Variants in DLG2 observed in about 807,000 individuals in gnomAD.
DLG2 encodes the protein discs large MAGUK scaffold protein 2.
DLG2 carries 45 observed loss-of-function variants against 132.5 expected under a neutral mutation model. The observed-to-expected ratio is 0.34, with a 90% CI of 0.27 to 0.44. The LOEUF is 0.44. DLG2 is among the 20% of genes least tolerant of loss of function. The pLI is 1.00. For synonymous variants in DLG2, 424 were observed against 419.6 expected, an observed-to-expected ratio of 1.01 and a Z score of -0.13; for missense variants, 1,045 against 1,196.9, an observed-to-expected ratio of 0.87 and a Z score of 1.87.
intron 8 of DLG2, among the ~76,000 whole-genome samples, chr11:84,202,102 C>T (rs1175606390): frequency 6.6e-6 from 1 of 151,886 alleles, no homozygotes; most frequent in Non-Finnish European, 1.5e-5. Flanking sequence ...CAGGCAGGAG[C>T]CACCATGCCC....
chr11:84,760,482 C>A lies in DLG2; in HGVS notation c.358-225751G>T, dbSNP rs192489194. Among the ~76,000 whole-genome samples, 6 of 152,306 alleles carry A rather than the reference C, an allele frequency of 3.9e-5. No homozygotes were observed. The East Asian group carries it at 1.2e-3, about 29-fold the overall frequency. ...CTTAGGGGAGAGAAAGACAACCTAG[C>A]AAACAAGTGTTTCAGACACAATCAA... On this transcript the variant is annotated intron_variant, in intron 6 of 27. Coordinates refer to ENST00000376104, the MANE Select transcript of DLG2 (RefSeq NM_001142699.3).
intron 17 of DLG2, among the ~76,000 whole-genome samples, chr11:83,807,138 G>A (rs1217766088): frequency 1.3e-5 from 2 of 152,150 alleles, no homozygotes; most frequent in African/African-American, 2.4e-5. Context: ...CATACAATAA[G>A]GAGTGAGAAA....
At chr11:83,771,930 G>A (rs2094409474) in intron 18 of DLG2, among the ~76,000 whole-genome samples, 1 of 152,122 alleles carries the variant, frequency 6.6e-6, no homozygotes, top group Non-Finnish European at 1.5e-5. Context: ...AGGGAATGGG[G>A]TGGTTTTAAC....
intron 6 of DLG2, among the ~76,000 whole-genome samples, chr11:84,589,050 G>A (rs1363439799): frequency 3.9e-5 from 6 of 152,090 alleles, no homozygotes; most frequent in African/African-American, 7.2e-5. Flanking sequence ...CCAGGTAAGT[G>A]GTGGGGTCTG....
rs533459205 is a variant in DLG2, at chr11:85,518,487, G to C, written c.40+80170C>G. Among the ~76,000 whole-genome samples, 9 of 152,308 alleles carry C rather than the reference G, an allele frequency of 5.9e-5. No homozygotes were observed. The South Asian group carries it at 1.5e-3, about 25-fold the overall frequency. ...GATGAATGATTTAGGATATCTGGCA[G>C]AAGAAACATCTAAGCAGCAAAGCAT... On this transcript the variant is annotated intron_variant, in intron 3 of 27. Transcript: ENST00000376104.
At chr11:83,853,079 A>T (rs2060024070) in intron 16 of DLG2, among the ~76,000 whole-genome samples, 1 of 152,220 alleles carries the variant, frequency 6.6e-6, no homozygotes, top group Non-Finnish European at 1.5e-5. Flanking sequence ...TCCTCTAAAC[A>T]AATATGTGTA....
intron 8 of DLG2, among the ~76,000 whole-genome samples, chr11:84,236,622 C>A (rs1184804876): frequency 1.3e-5 from 2 of 152,182 alleles, no homozygotes; most frequent in Non-Finnish European, 2.9e-5. Flanking sequence ...AAGTCTGAGC[C>A]TGAGGGCATG....
At chr11:84,874,616 G>A (rs765085091) in intron 6 of DLG2, among the ~76,000 whole-genome samples, 11 of 152,154 alleles carry the variant, frequency 7.2e-5, no homozygotes, top group Non-Finnish European at 1.5e-4. Context: ...TGTGGAAGAT[G>A]GATTGGCATG....
chr11:83,678,818 TA>T (rs2078223912), intron 18 of DLG2, among the ~76,000 whole-genome samples: 1 of 152,166 alleles, frequency 6.6e-6, no homozygotes, highest in African/African-American at 2.4e-5. Flanking sequence ...TTGAATTTGG[TA>T]GATTTACGAA....
intron 3 of DLG2, among the ~76,000 whole-genome samples, chr11:85,341,991 G>C (rs536494480): frequency 7.2e-5 from 11 of 152,306 alleles, no homozygotes; most frequent in African/African-American, 2.2e-4. Context: ...CCCTTACCAG[G>C]AATGGAGCTT....
chr11:84,331,441 C>CAA (rs71465960), intron 7 of DLG2, among the ~76,000 whole-genome samples: 2 of 119,786 alleles, frequency 1.7e-5, no homozygotes, highest in African/African-American at 5.8e-5. Flanking sequence ...TTACTTATCT[C>CAA]AAAAAAAAAA....
chr11:84,753,241 C>A (rs2066415701), intron 6 of DLG2, among the ~76,000 whole-genome samples: 1 of 152,090 alleles, frequency 6.6e-6, no homozygotes. Context: ...CTTTTGAAGC[C>A]AATTTCCCGT....
chr11:85,232,288 A>G (rs577927265), intron 4 of DLG2, among the ~76,000 whole-genome samples: 3 of 152,032 alleles, frequency 2.0e-5, no homozygotes, highest in African/African-American at 7.2e-5. Flanking sequence ...TTATTCCATC[A>G]CATTTGAATA....
intron 18 of DLG2, among the ~76,000 whole-genome samples, chr11:83,762,225 C>T (rs1172911700): frequency 5.9e-5 from 9 of 152,180 alleles, no homozygotes; most frequent in Non-Finnish European, 1.2e-4. Context: ...TCTTTATTCC[C>T]GCCAGTTTCT....
chr11:83,579,600 T>C (rs747332995), intron 19 of DLG2, among the ~76,000 whole-genome samples: 11 of 151,818 alleles, frequency 7.2e-5, no homozygotes, highest in Non-Finnish European at 1.6e-4. Flanking sequence ...ATTTTAAGAT[T>C]GAAAAAAACT....
intron 11 of DLG2, among the ~76,000 whole-genome samples, chr11:83,989,090 C>G (rs1407361431): frequency 6.6e-6 from 1 of 152,074 alleles, no homozygotes; most frequent in African/African-American, 2.4e-5. Flanking sequence ...AGTCCCATGT[C>G]TCTGAGAAAG....
In DLG2 at chr11:85,466,015, G is replaced by A. The variant is rs564814804; in HGVS notation, c.40+132642C>T. On this transcript the variant is annotated intron_variant, in intron 3 of 27. Transcript: ENST00000376104. ...TTGCCATTCTAACTGGCGTGAGATG[G>A]TATCTCATTGTGGTTTTGATTTGCA... Among the ~76,000 whole-genome samples, 61 of 152,168 alleles carry A rather than the reference G, an allele frequency of 4.0e-4. 1 individual carries two copies. In the South Asian group the frequency reaches 9.6e-3, roughly 24 times the overall value.
intron 19 of DLG2, among the ~76,000 whole-genome samples, chr11:83,585,906 A>T (rs116635893): frequency 0.015 from 2,334 of 152,318 alleles, 52 homozygotes; most frequent in African/African-American, 0.054. Context: ...GGGAAACCTG[A>T]CAATGCCTGA....
At chr11:84,558,100 A>G (rs2099415570) in intron 6 of DLG2, among the ~76,000 whole-genome samples, 1 of 152,208 alleles carries the variant, frequency 6.6e-6, no homozygotes, top group East Asian at 1.9e-4. Context: ...GGAGTCAAGG[A>G]TCATTCAAAG....
Sources: allele counts gnomAD v4.1 joint callset (sites outside exome capture counted in the v4.1 genomes callset), GRCh38; gene constraint gnomAD v4.1.1; transcripts MANE v1.5; gene names NCBI Gene and HGNC (gene_info 2026-07-23, HGNC 2026-07-21).